Variants in MARCHF5 observed in about 807,000 individuals in gnomAD.
MARCHF5 encodes E3 ubiquitin-protein ligase MARCHF5.
In MARCHF5, 5 loss-of-function variants were observed where a neutral mutation model predicts 36.5. The ratio of observed to expected loss-of-function variants is 0.14; its 90% confidence interval spans 0.07 to 0.29. The LOEUF (loss-of-function observed/expected upper bound fraction) is 0.29. Ranked by LOEUF, MARCHF5 falls within the 10% of genes least tolerant of loss-of-function variation. The pLI, the probability that MARCHF5 is intolerant of heterozygous loss-of-function variation, is 1.00. For missense variants in MARCHF5, 179 were observed against 336.3 expected (o/e 0.53, Z 3.66); for synonymous variants, 103 against 109.9 (o/e 0.94, Z 0.39).
At chr10:92,304,896 G>A (rs2135181271) in intron 1 of MARCHF5, among the ~76,000 whole-genome samples, 1 of 152,228 alleles carries the variant, frequency 6.6e-6, no homozygotes, top group East Asian at 1.9e-4. Context: ...AGTTAGCAGG[G>A]GTTTGAACCC....
chr10:92,319,297 C>CTTTTTTTTTTTTTT (rs35540447), intron 2 of MARCHF5, among the ~76,000 whole-genome samples: 1 of 142,388 alleles, frequency 7.0e-6, no homozygotes. Context: ...ATCTACTTTA[C>CTTTTTTTTTTTTTT]TTTTTTTTTT....
intron 2 of MARCHF5, chr10:92,333,483 C>T (rs984623295): frequency 1.3e-4 from 23 of 173,798 alleles, no homozygotes; most frequent in African/African-American, 4.1e-4. Context: ...CTGTACAAAA[C>T]GAGTTAAACA....
intron 3 of MARCHF5, 73 bp from the exon 4 acceptor site, chr10:92,349,274 TAA>T: frequency 1.8e-6 from 2 of 1,135,238 alleles, no homozygotes; most frequent in Non-Finnish European, 2.5e-6. Context: ...CATTTTCTAT[TAA>T]AAAAATAGAG....
chr10:92,338,188 C>CA (rs951504652), intron 2 of MARCHF5, among the ~76,000 whole-genome samples: 36 of 148,250 alleles, frequency 2.4e-4, no homozygotes, highest in East Asian at 3.9e-4. Context: ...GACCCTGTCT[C>CA]AAAAAAAAAA....
rs545167216 is a variant in MARCHF5, at chr10:92,331,985, A to G, written c.239-8688A>G. On this transcript the variant is annotated intron_variant, in intron 2 of 5. Coordinates refer to ENST00000358935, the MANE Select transcript of MARCHF5 (RefSeq NM_017824.5). ...TAATCGTATATATATATGTATATATATAATCACTCATCTGCTTTGACCTGA... is the reference window on the plus strand; with the variant it reads ...TAATCGTATATATATATGTATATATGTAATCACTCATCTGCTTTGACCTGA... Among the ~76,000 whole-genome samples, 26 of 147,834 alleles carry G rather than the reference A, an allele frequency of 1.8e-4. No individual in the cohort carries two copies. The South Asian group carries it at 5.2e-3, about 30-fold the overall frequency.
chr10:92,296,850 A>G (rs1392489102), intron 1 of MARCHF5, among the ~76,000 whole-genome samples: 1 of 152,198 alleles, frequency 6.6e-6, no homozygotes, highest in African/African-American at 2.4e-5. Context: ...TTTGAAGACC[A>G]AGGAAGCTAT....
At chr10:92,315,373 G>C (rs767967781) in intron 2 of MARCHF5, among the ~76,000 whole-genome samples, 1 of 152,180 alleles carries the variant, frequency 6.6e-6, no homozygotes, top group Non-Finnish European at 1.5e-5. Flanking sequence ...TTTTGTTTCT[G>C]TCTGAGCACA....
intron 1 of MARCHF5, among the ~76,000 whole-genome samples, chr10:92,303,144 C>T (rs1233773379): frequency 6.6e-6 from 1 of 152,144 alleles, no homozygotes; most frequent in Non-Finnish European, 1.5e-5. Context: ...AATAAAGCCC[C>T]CCTCACTTTT....
chr10:92,334,945 G>A (rs1028129630), intron 2 of MARCHF5, among the ~76,000 whole-genome samples: 1 of 152,120 alleles, frequency 6.6e-6, no homozygotes, highest in Admixed American at 6.5e-5. Flanking sequence ...CTTCTCTGGT[G>A]CCCTTTAAAT....
At chr10:92,343,602 T>C (rs1047523133) in intron 3 of MARCHF5, among the ~76,000 whole-genome samples, 2 of 152,214 alleles carry the variant, frequency 1.3e-5, no homozygotes, top group African/African-American at 4.8e-5. Flanking sequence ...AGAGTTTCGC[T>C]CTTGTTGTCC....
intron 1 of MARCHF5, among the ~76,000 whole-genome samples, chr10:92,308,977 T>A (rs757787083): frequency 2.0e-5 from 3 of 152,178 alleles, no homozygotes; most frequent in Admixed American, 6.5e-5. Context: ...AGTGCTGGGA[T>A]TACAGGCTTA....
At chr10:92,331,014 C>T (rs909871194) in intron 2 of MARCHF5, among the ~76,000 whole-genome samples, 3 of 152,104 alleles carry the variant, frequency 2.0e-5, no homozygotes, top group African/African-American at 7.2e-5. Context: ...AAGTTTATAA[C>T]TCATTGTTCT....
chr10:92,324,589 C>T (rs1843332077), intron 2 of MARCHF5, among the ~76,000 whole-genome samples: 2 of 152,156 alleles, frequency 1.3e-5, no homozygotes, highest in Non-Finnish European at 2.9e-5. Context: ...GTCTTGATCT[C>T]CTGACCTCAT....
chr10:92,332,442 G>A (rs920139806), intron 2 of MARCHF5, among the ~76,000 whole-genome samples: 6 of 150,454 alleles, frequency 4.0e-5, no homozygotes, highest in Admixed American at 2.0e-4. Flanking sequence ...CCTCCAAAGT[G>A]TAGTGTTTAA....
chr10:92,312,130 G>A lies in MARCHF5; in HGVS notation c.238+793G>A, dbSNP rs1315902685. Among the ~76,000 whole-genome samples the A allele has an allele frequency of 3.3e-5, 5 of 152,104 alleles. No individual in the cohort carries two copies. In the East Asian group the frequency reaches 7.7e-4, roughly 23 times the overall value. Reference sequence around the variant, plus strand: ...AGCTTGGGTTCTGGGAAGGTCATAAGGAAAGAATGTCTTTGGGGGCAGAGG... The same window carrying A: ...AGCTTGGGTTCTGGGAAGGTCATAAAGAAAGAATGTCTTTGGGGGCAGAGG... On this transcript the variant is annotated intron_variant, in intron 2 of 5. Coordinates refer to ENST00000358935, the MANE Select transcript of MARCHF5 (RefSeq NM_017824.5).
At chr10:92,342,781 A>G (rs1169521425) in intron 3 of MARCHF5, among the ~76,000 whole-genome samples, 2 of 152,232 alleles carry the variant, frequency 1.3e-5, no homozygotes, top group Non-Finnish European at 2.9e-5. Flanking sequence ...TAGTGAACAC[A>G]CTTAGGTTTG....
intron 1 of MARCHF5, among the ~76,000 whole-genome samples, chr10:92,304,294 G>T (rs1299112029): frequency 6.6e-6 from 1 of 152,132 alleles, no homozygotes; most frequent in Non-Finnish European, 1.5e-5. Flanking sequence ...TCATATGGAG[G>T]TTATATATGT....
At chr10:92,303,944 C>T (rs1057342499) in intron 1 of MARCHF5, among the ~76,000 whole-genome samples, 4 of 152,088 alleles carry the variant, frequency 2.6e-5, no homozygotes, top group Non-Finnish European at 5.9e-5. Flanking sequence ...TCTCCTTTTG[C>T]TTTGTAAATG....
At chr10:92,308,477 C>T (rs1328842644) in intron 1 of MARCHF5, 2 of 152,042 alleles carry the variant, frequency 1.3e-5, no homozygotes, top group African/African-American at 4.8e-5. Context: ...ATGCCTTAAC[C>T]ATCTGGGAAT....
Sources: allele counts gnomAD v4.1 joint callset (sites outside exome capture counted in the v4.1 genomes callset), GRCh38; gene constraint gnomAD v4.1.1; transcripts MANE v1.5; gene names NCBI Gene and HGNC (gene_info 2026-07-23, HGNC 2026-07-21).